Variants in CLMN observed in about 807,000 individuals in gnomAD.
The protein encoded by CLMN is calmin (calponin-like, transmembrane).
Under a neutral mutation model 92.7 loss-of-function variants are expected in CLMN, and 57 were observed. The observed-to-expected ratio is 0.61, with a 90% CI of 0.50 to 0.77. The LOEUF is 0.77. Among genes scored for constraint, CLMN ranks in the 30% least tolerant of loss-of-function variants. The probability of loss-of-function intolerance (pLI) is 0.00; values close to 1 mark genes in which losing one functional copy is unlikely to be tolerated. For synonymous variants in CLMN, 466 were observed against 470.6 expected, an observed-to-expected ratio of 0.99 and a Z score of 0.13; for missense variants, 1,158 against 1,237.5, an observed-to-expected ratio of 0.94 and a Z score of 0.96.
chr14:95,223,936 T>C, intron 2 of CLMN, 81 bp from the exon 3 acceptor site: 2 of 1,023,250 alleles, frequency 2.0e-6, no homozygotes, highest in South Asian at 2.9e-5. Flanking sequence ...AGCTTTCTGC[T>C]CAAGAGAAAA....
chr14:95,312,660 G>A (rs906007335), intron 1 of CLMN, among the ~76,000 whole-genome samples: 1 of 152,174 alleles, frequency 6.6e-6, no homozygotes, highest in African/African-American at 2.4e-5. Context: ...TTCACATACT[G>A]CTGCTGGAAA....
Position 95,215,703 on chromosome 14 carries a change from T to G in CLMN, c.355A>C (p.Ile119Leu), listed in dbSNP as rs1462177061. 2.5e-6 allele frequency: 4 copies of G among 1,614,068 alleles called. No homozygotes were observed. The highest frequency in any genetic ancestry group is 2.2e-5 in the South Asian group (2 of 91,078). ...VKLVSIDAAE[I>L]ADGNPSLVLG... ...ACCAAAGAAGGGTTGCCATCTGCTA[T>G]TTCTGCTGCATCAATGCTAACCAGT... The change falls in exon 5 of 13, where the codon ATA (isoleucine) becomes CTA (leucine). Residue 119 changes from isoleucine (I) to leucine (L), a missense_variant. Physicochemically the swap from Ile to Leu is conservative, Grantham distance 5. Transcript: ENST00000298912.
chr14:95,281,796 A>G (rs922583414), intron 1 of CLMN, among the ~76,000 whole-genome samples: 1 of 152,188 alleles, frequency 6.6e-6, no homozygotes, highest in Non-Finnish European at 1.5e-5. Flanking sequence ...AGATAAGCTT[A>G]CTCAACGTTT....
chr14:95,214,606 C>T (rs574763644), intron 5 of CLMN, among the ~76,000 whole-genome samples: 15 of 152,242 alleles, frequency 9.9e-5, no homozygotes, highest in African/African-American at 3.4e-4. Context: ...GCCGCCATGG[C>T]CTCCCAAAGT....
chr14:95,229,900 C>T (rs1369933793), intron 2 of CLMN, among the ~76,000 whole-genome samples, 172 bp downstream of exon 2: 2 of 152,140 alleles, frequency 1.3e-5, no homozygotes, highest in Admixed American at 6.5e-5. Context: ...GTGTCTCAGT[C>T]ATCTCTTCCC....
intron 1 of CLMN, among the ~76,000 whole-genome samples, chr14:95,264,957 T>A (rs1020813906): frequency 6.0e-5 from 8 of 133,288 alleles, no homozygotes; most frequent in Non-Finnish European, 1.3e-4. Flanking sequence ...AAAAAAAAAA[T>A]TAGCCAGGTG....
At position 95,194,690 on chromosome 14, in the gene CLMN, G is replaced by A; in HGVS notation, c.2709-94C>T. ...CCCCATCCTGGGGTTTCCACGTATG[G>A]GTTTAGGCAAGCGACAACTTCACAG... On this transcript the variant is annotated intron_variant, in intron 10 of 12. Coordinates refer to ENST00000298912, the MANE Select transcript of CLMN (RefSeq NM_024734.4). This position sits in a 1 kb window ranked among gnomAD's most constrained non-coding sequence, Gnocchi z 4.0. 1 of 1,159,136 alleles carries A rather than the reference G, an allele frequency of 8.6e-7. No individual in the cohort carries two copies. The highest frequency in any genetic ancestry group is 1.3e-6 in the Non-Finnish European group (1 of 773,296). The allele number at this position is 1,159,136 out of a possible 1,614,324, so 71.8% of individuals were successfully genotyped here. A position where few individuals can be genotyped will look rare whatever the true frequency, so the allele number is the denominator to read the frequency against.
At chr14:95,225,063 A>C (rs1412983144) in intron 2 of CLMN, among the ~76,000 whole-genome samples, 2 of 151,930 alleles carry the variant, frequency 1.3e-5, no homozygotes, top group Non-Finnish European at 2.9e-5. Context: ...GTCGATTTAC[A>C]TGTCCATGTA....
chr14:95,296,834 CAAT>C (rs940388522), intron 1 of CLMN, among the ~76,000 whole-genome samples: 1 of 152,220 alleles, frequency 6.6e-6, no homozygotes, highest in African/African-American at 2.4e-5. Flanking sequence ...TGCTTTACAA[CAAT>C]GTTGTTTCAG....
chr14:95,289,363 C>T (rs1048103396), intron 1 of CLMN, among the ~76,000 whole-genome samples: 1 of 151,726 alleles, frequency 6.6e-6, no homozygotes, highest in Non-Finnish European at 1.5e-5. Flanking sequence ...TGTGGTGGGG[C>T]GTGCCTGTAG....
intron 4 of CLMN, among the ~76,000 whole-genome samples, chr14:95,220,150 C>T (rs866828270): frequency 6.9e-6 from 1 of 145,622 alleles, no homozygotes; most frequent in African/African-American, 2.5e-5. Flanking sequence ...GAATAATATT[C>T]CACTGTATGG....
At chr14:95,267,260 T>C (rs1341759021) in intron 1 of CLMN, among the ~76,000 whole-genome samples, 2 of 151,970 alleles carry the variant, frequency 1.3e-5, no homozygotes, top group African/African-American at 4.8e-5. Flanking sequence ...TGGGAGAAAA[T>C]ATTTGCAAAC....
intron 1 of CLMN, among the ~76,000 whole-genome samples, chr14:95,305,847 T>A (rs1901252894): frequency 6.6e-6 from 1 of 152,206 alleles, no homozygotes; most frequent in Non-Finnish European, 1.5e-5. Flanking sequence ...CACCCTTCTC[T>A]GTAGCTACCC....
At chr14:95,257,340 T>C (rs1404590421) in intron 1 of CLMN, among the ~76,000 whole-genome samples, 1 of 152,198 alleles carries the variant, frequency 6.6e-6, no homozygotes, top group East Asian at 1.9e-4. Flanking sequence ...AAATAACAGA[T>C]TTACATCATT....
At chr14:95,311,131 C>T (rs746005967) in intron 1 of CLMN, among the ~76,000 whole-genome samples, 7 of 151,976 alleles carry the variant, frequency 4.6e-5, no homozygotes, top group Non-Finnish European at 8.8e-5. Context: ...ACACGGGAGG[C>T]GAGGGAAGAG....
rs1896523117 is a variant in CLMN, at chr14:95,189,929, A to C, written c.*1635T>G. 1 of 152,218 alleles carries C rather than the reference A, an allele frequency of 6.6e-6. No individual in the cohort carries two copies. The highest frequency in any genetic ancestry group is 1.5e-5 in the Non-Finnish European group (1 of 68,040). The allele number at this position is 152,218 out of a possible 1,614,324, so 9.4% of individuals were successfully genotyped here. A position where few individuals can be genotyped will look rare whatever the true frequency, so the allele number is the denominator to read the frequency against. ...TGTCATCGACTCAGATGTGCTATGTAAATTCTTCTGGCCATGCTGGAATTC... is the reference window on the plus strand; with the variant it reads ...TGTCATCGACTCAGATGTGCTATGTCAATTCTTCTGGCCATGCTGGAATTC... On this transcript the variant is annotated 3_prime_UTR_variant, in exon 13 of 13. Coordinates refer to ENST00000298912, the MANE Select transcript of CLMN (RefSeq NM_024734.4).
At chr14:95,292,566 A>C (rs113845724) in intron 1 of CLMN, among the ~76,000 whole-genome samples, 3,651 of 151,784 alleles carry the variant, frequency 0.024, 159 homozygotes, top group African/African-American at 0.081. Context: ...ATGTCCTTGA[A>C]TTTAAATAAC....
At chr14:95,205,274 T>C (rs1241099018) in intron 8 of CLMN, among the ~76,000 whole-genome samples, 1 of 152,212 alleles carries the variant, frequency 6.6e-6, no homozygotes, top group African/African-American at 2.4e-5. Context: ...TTCTTTTATA[T>C]ACCAAGTTTG....
At chr14:95,300,952 TCTGG>T (rs1420231737) in intron 1 of CLMN, among the ~76,000 whole-genome samples, 2 of 152,238 alleles carry the variant, frequency 1.3e-5, no homozygotes, top group Non-Finnish European at 2.9e-5. Flanking sequence ...TCAGAAGGGC[TCTGG>T]TTGGTTTGAC....
Sources: gnomAD v4.1 joint callset for allele counts (sites outside exome capture counted in the v4.1 genomes callset) on GRCh38, gnomAD v4.1.1 for gene constraint, Gnocchi (gnomAD v3.1) non-coding constraint, MANE v1.5 for transcripts, NCBI Gene and HGNC (gene_info 2026-07-23, HGNC 2026-07-21) for gene names.